Variants in NRXN1 observed in about 807,000 individuals in gnomAD.
NRXN1 encodes the protein neurexin-1.
A neutral mutation model predicts 150.9 loss-of-function variants in NRXN1; 39 were observed. That is an observed-to-expected ratio of 0.26 (90% confidence interval 0.20 to 0.34). NRXN1 has a LOEUF of 0.34. Among genes scored for constraint, NRXN1 ranks in the 10% least tolerant of loss-of-function variants. The pLI, the probability that NRXN1 is intolerant of heterozygous loss-of-function variation, is 1.00. For synonymous variants in NRXN1, 924 were observed against 757.0 expected, an observed-to-expected ratio of 1.22 and a Z score of -3.62; for missense variants, 1,815 against 1,949.9, an observed-to-expected ratio of 0.93 and a Z score of 1.30.
intron 2 of NRXN1, among the ~76,000 whole-genome samples, chr2:51,012,169 C>T (rs1447131146): frequency 1.3e-5 from 2 of 151,964 alleles, no homozygotes; most frequent in African/African-American, 2.4e-5. Context: ...TCCTCACTTT[C>T]CTTGTGTTCA....
chr2:50,438,714 A>C (rs939165732), intron 17 of NRXN1, among the ~76,000 whole-genome samples: 1 of 152,226 alleles, frequency 6.6e-6, no homozygotes, highest in African/African-American at 2.4e-5. Flanking sequence ...GAGAATAAAA[A>C]CGACTAATAA....
At chr2:50,331,600 G>C (rs180946778) in intron 17 of NRXN1, among the ~76,000 whole-genome samples, 8 of 152,148 alleles carry the variant, frequency 5.3e-5, no homozygotes, top group African/African-American at 1.9e-4. Context: ...TAAGAGAAGA[G>C]CAATAGATTT....
intron 17 of NRXN1, among the ~76,000 whole-genome samples, chr2:50,294,309 T>C (rs2073304535): frequency 1.3e-5 from 2 of 152,216 alleles, no homozygotes; most frequent in South Asian, 4.1e-4. Context: ...TAGGAATTGC[T>C]CAATGTTTCT....
At chr2:50,230,837 A>G (rs2681999) in intron 18 of NRXN1, among the ~76,000 whole-genome samples, 1 of 151,994 alleles carries the variant, frequency 6.6e-6, no homozygotes, top group East Asian at 1.9e-4. Context: ...TACCTCCCAC[A>G]TAATAAACTA....
chr2:50,957,404 T>C (rs1692447181), intron 2 of NRXN1, among the ~76,000 whole-genome samples: 2 of 152,186 alleles, frequency 1.3e-5, no homozygotes, highest in African/African-American at 4.8e-5. Flanking sequence ...AAGGCATTTT[T>C]GGTTATCATA....
chr2:50,562,329 C>CAATA (rs143127810), intron 8 of NRXN1, among the ~76,000 whole-genome samples: 102 of 150,010 alleles, frequency 6.8e-4, no homozygotes, highest in Non-Finnish European at 1.2e-3. Flanking sequence ...GATAGATATA[C>CAATA]GATAGATAGA....
At chr2:50,213,699 G>C (rs7567790) in intron 18 of NRXN1, among the ~76,000 whole-genome samples, 34,810 of 124,538 alleles carry the variant, frequency 0.28, 4,623 homozygotes, top group African/African-American at 0.47. Flanking sequence ...TCATTAGCTA[G>C]TGGTTCAAAG....
intron 17 of NRXN1, among the ~76,000 whole-genome samples, chr2:50,257,648 T>C (rs2067835072): frequency 6.6e-6 from 1 of 151,944 alleles, no homozygotes. Flanking sequence ...TAATTTTTTC[T>C]GTACTATACA....
intron 8 of NRXN1, among the ~76,000 whole-genome samples, chr2:50,605,720 G>A (rs1247317756): frequency 6.6e-6 from 1 of 152,038 alleles, no homozygotes; most frequent in South Asian, 2.1e-4. Context: ...AGCTGCTCTA[G>A]AAAACAGTAT....
chr2:50,659,799 T>C (rs1445858445), intron 5 of NRXN1, among the ~76,000 whole-genome samples: 2 of 151,824 alleles, frequency 1.3e-5, no homozygotes, highest in East Asian at 3.9e-4. Context: ...TGAAAGTTAA[T>C]GCCTTGATTA....
chr2:50,706,429 A>G (rs931490891), intron 5 of NRXN1, among the ~76,000 whole-genome samples: 1 of 152,178 alleles, frequency 6.6e-6, no homozygotes, highest in Admixed American at 6.6e-5. Flanking sequence ...CTGTTACTTT[A>G]GTAAATAACC....
intron 18 of NRXN1, among the ~76,000 whole-genome samples, chr2:50,169,841 C>A (rs2059921943): frequency 6.7e-6 from 1 of 150,354 alleles, no homozygotes; most frequent in Non-Finnish European, 1.5e-5. Flanking sequence ...AACAAAAAAA[C>A]AAACTTACAT....
intron 18 of NRXN1, among the ~76,000 whole-genome samples, chr2:50,191,101 T>C (rs555716013): frequency 1.2e-3 from 188 of 152,062 alleles, no homozygotes; most frequent in African/African-American, 4.2e-3. Flanking sequence ...TGATCTCAGC[T>C]CACTATAACC....
At chr2:50,330,972 G>A (rs1490836134) in intron 17 of NRXN1, among the ~76,000 whole-genome samples, 2 of 152,088 alleles carry the variant, frequency 1.3e-5, no homozygotes, top group African/African-American at 4.8e-5. Context: ...TTTATACTCC[G>A]TTTCTGATTC....
Position 49,922,212 on chromosome 2 carries a change from C to T in NRXN1, c.4256G>A (p.Gly1419Asp). 6 of 1,614,152 alleles carry T rather than the reference C, an allele frequency of 3.7e-6. No homozygotes were observed. The South Asian group carries it at 6.6e-5, about 18-fold the overall frequency. Residue 1419 changes from glycine (G) to aspartate (D), a missense_variant, in exon 23 of 23, where the codon GGC becomes GAC. Gly to Asp is a moderately conservative substitution (Grantham distance 94). Coordinates refer to ENST00000401669, the MANE Select transcript of NRXN1 (RefSeq NM_001330078.2). ...GGACTCCCGGATCACTTCTGCTGAG[C>T]CTGGATACGGCTCTCTGCCGCCTGC... ...TRAGGREPYP[G>D]SAEVIRESSS... is the part of the protein sequence containing the mutation.
chr2:50,356,089 A>T (rs2078794631), intron 17 of NRXN1, among the ~76,000 whole-genome samples: 1 of 152,150 alleles, frequency 6.6e-6, no homozygotes, highest in Non-Finnish European at 1.5e-5. Flanking sequence ...AGTACTGCCA[A>T]GCTAAGATGC....
chr2:50,727,279 C>G (rs1387614623), intron 5 of NRXN1, among the ~76,000 whole-genome samples: 1 of 152,136 alleles, frequency 6.6e-6, no homozygotes, highest in East Asian at 1.9e-4. Flanking sequence ...ATATTTTATT[C>G]TAAGCAAAAT....
At chr2:49,953,212 A>G (rs1243190526) in intron 21 of NRXN1, among the ~76,000 whole-genome samples, 1 of 152,136 alleles carries the variant, frequency 6.6e-6, no homozygotes, top group South Asian at 2.1e-4. Context: ...CTTAGTTAAC[A>G]GAAGGTGTAT....
intron 5 of NRXN1, among the ~76,000 whole-genome samples, chr2:50,708,343 A>T (rs1163073241): frequency 6.6e-6 from 1 of 152,188 alleles, no homozygotes. Flanking sequence ...GGTTAACTGA[A>T]TTGTCAATTT....
Sources: gnomAD v4.1 joint callset for allele counts (sites outside exome capture counted in the v4.1 genomes callset) on GRCh38, gnomAD v4.1.1 for gene constraint, MANE v1.5 for transcripts, NCBI Gene and HGNC (gene_info 2026-07-23, HGNC 2026-07-21) for gene names.